Variants in RIMKLB observed in about 807,000 individuals in gnomAD.
RIMKLB encodes the protein beta-citrylglutamate synthase B.
RIMKLB carries 7 observed loss-of-function variants against 32.0 expected under a neutral mutation model. The observed-to-expected ratio is 0.22, with a 90% CI of 0.12 to 0.41. The LOEUF (loss-of-function observed/expected upper bound fraction) is 0.41. RIMKLB is among the 10% of genes least tolerant of loss of function. The probability of loss-of-function intolerance (pLI) is 1.00; values close to 1 mark genes in which losing one functional copy is unlikely to be tolerated. For missense variants in RIMKLB, 289 were observed against 498.7 expected (o/e 0.58, Z 4.00); for synonymous variants, 172 against 185.1 (o/e 0.93, Z 0.57).
At chr12:8,697,885 C>G (rs922685059), upstream of RIMKLB, 1 of 146,476 alleles carries the variant, frequency 6.8e-6, no homozygotes, top group Admixed American at 6.7e-5. Flanking sequence ...GGGGCCGGGG[C>G]GCGCGCCGCT....
chr12:8,769,962 T>C (rs1218280514), intron 5 of RIMKLB, among the ~76,000 whole-genome samples: 1 of 151,850 alleles, frequency 6.6e-6, no homozygotes, highest in Non-Finnish European at 1.5e-5. Context: ...AGTACTGTTG[T>C]AGCAATAATT....
chr12:8,780,095 C>T (rs1434709090), downstream of RIMKLB: 1 of 152,220 alleles, frequency 6.6e-6, no homozygotes, highest in Non-Finnish European at 1.5e-5. Flanking sequence ...CAGTCCAGAA[C>T]ATTGAAAACT....
intron 5 of RIMKLB, among the ~76,000 whole-genome samples, chr12:8,755,854 T>C (rs1423437905): frequency 1.3e-5 from 2 of 151,484 alleles, no homozygotes; most frequent in Non-Finnish European, 3.0e-5. Flanking sequence ...CTACAAAATA[T>C]AAAAATAAAT....
At chr12:8,722,089 A>G (rs1217035875) in intron 2 of RIMKLB, among the ~76,000 whole-genome samples, 1 of 151,878 alleles carries the variant, frequency 6.6e-6, no homozygotes, top group East Asian at 1.9e-4. Flanking sequence ...GCCTTTCAGA[A>G]CTTTTTCAGT....
chr12:8,725,011 C>T (rs886245040), intron 2 of RIMKLB, among the ~76,000 whole-genome samples: 1 of 152,092 alleles, frequency 6.6e-6, no homozygotes, highest in Admixed American at 6.6e-5. Flanking sequence ...ATTTCTCAGT[C>T]GATTTTTTAG....
rs1470222763 is a variant in RIMKLB, at chr12:8,752,032, G to A, written c.482G>A (p.Arg161Gln). Residue 161 changes from arginine (R) to glutamine (Q), a missense_variant, in exon 4 of 6, where the codon CGG (arginine) becomes CAG (glutamine). Arg to Gln is a conservative substitution (Grantham distance 43). This residue lies in a region of RIMKLB where 156 missense variants were observed against 329.5 expected (regional missense o/e 0.47). Coordinates refer to ENST00000535829, the MANE Select transcript of RIMKLB (RefSeq NM_001297776.2). ...LEFPMVVKNT[R>Q]GHRGKAVFLA... ...TTCCCAATGGTAGTAAAGAATACGCGGGGTCACAGAGGTATGTATGAGTTG... is the reference window on the plus strand; with the variant it reads ...TTCCCAATGGTAGTAAAGAATACGCAGGGTCACAGAGGTATGTATGAGTTG... 1.9e-6 allele frequency: 3 copies of A among 1,606,332 alleles called. No individual in the cohort carries two copies. The highest frequency in any genetic ancestry group is 1.1e-5 in the South Asian group (1 of 90,838).
chr12:8,742,708 C>T, intron 2 of RIMKLB: 1 of 223,664 alleles, frequency 4.5e-6, no homozygotes, highest in Admixed American at 5.1e-5. Context: ...AGTTTGCTAC[C>T]ACCACTGGAG....
Position 8,775,861 on chromosome 12 carries a change from C to T in RIMKLB, c.*2077C>T. Reference sequence around the variant, plus strand: ...TCTAATTGCATTTAAAAGAACTTATCTTGCGCAGGGTAAATGGGGGACTCA... The same window carrying T: ...TCTAATTGCATTTAAAAGAACTTATTTTGCGCAGGGTAAATGGGGGACTCA... On this transcript the variant is annotated 3_prime_UTR_variant, in exon 6 of 6. Coordinates refer to ENST00000535829, the MANE Select transcript of RIMKLB (RefSeq NM_001297776.2). The T allele has an allele frequency of 6.1e-6, 6 of 985,052 alleles. No homozygotes were observed. Among genetic ancestry groups the T allele is most frequent in the Non-Finnish European group, 7.2e-6 (6 of 829,624 alleles). The allele number at this position is 985,052 out of a possible 1,614,324, so 61.0% of individuals were successfully genotyped here.
chr12:8,773,685 C>T lies in RIMKLB; in HGVS notation c.1062C>T (p.Asp354=), dbSNP rs762015693. Residue 354 remains aspartate (D), a synonymous_variant, in exon 6 of 6, where the codon GAC becomes GAT. Transcript: ENST00000535829. The part of the protein sequence containing the change: ...MSASSSSVDS[D]PESTERELLT... ...CAAGTTCCAGCTCTGTTGACAGCGA[C>T]CCTGAAAGCACGGAGCGAGAGCTGC... is the stretch of plus-strand genomic sequence containing the variant. 3.1e-6 allele frequency: 5 copies of T among 1,614,248 alleles called. No homozygotes were observed. The highest frequency in any genetic ancestry group is 4.2e-6 in the Non-Finnish European group (5 of 1,180,054).
At chr12:8,677,322 C>T (rs1942348933), upstream of RIMKLB, among the ~76,000 whole-genome samples, 1 of 152,138 alleles carries the variant, frequency 6.6e-6, no homozygotes, top group Non-Finnish European at 1.5e-5. Context: ...TGTGAATCAT[C>T]CTCATTTTCC....
chr12:8,751,160 CA>C (rs1425768375), intron 3 of RIMKLB, among the ~76,000 whole-genome samples: 1 of 151,918 alleles, frequency 6.6e-6, no homozygotes, highest in East Asian at 1.9e-4. Context: ...CATGATTGTA[CA>C]ATTTTGATTT....
intron 3 of RIMKLB, 151 bp downstream of exon 3, chr12:8,750,243 G>T (rs1948500885): frequency 1.9e-6 from 1 of 529,140 alleles, no homozygotes; most frequent in Non-Finnish European, 3.3e-6. Flanking sequence ...CTTAAGATTT[G>T]TTTCATATTA....
chr12:8,770,027 C>T (rs922700563), intron 5 of RIMKLB, among the ~76,000 whole-genome samples: 3 of 148,692 alleles, frequency 2.0e-5, no homozygotes, highest in Admixed American at 1.3e-4. Flanking sequence ...GCTTGGAGTG[C>T]AATGGCATGA....
intron 5 of RIMKLB, among the ~76,000 whole-genome samples, chr12:8,772,788 A>G (rs1950513384): frequency 6.6e-6 from 1 of 152,188 alleles, no homozygotes; most frequent in East Asian, 1.9e-4. Context: ...ATCAAGTTCT[A>G]CTTCCTTTCT....
chr12:8,775,993 TAAATG>T lies in RIMKLB; in HGVS notation c.*2211_*2215del. On this transcript the variant is annotated 3_prime_UTR_variant, in exon 6 of 6. Transcript: ENST00000535829. ...ATGCATACTATTTGGTATAGAGAAA[TAAATG>T]AGGAAGAAAGAACTGCTTAATTAAA... 1.0e-6 allele frequency: 1 copy of T among 984,214 alleles called. No individual in the cohort carries two copies. 61.0% of individuals were successfully genotyped at this position (984,214 alleles called of 1,614,324 possible). A position where few individuals can be genotyped will look rare whatever the true frequency, so the allele number is the denominator to read the frequency against.
chr12:8,738,338 C>T (rs917702404), intron 2 of RIMKLB, among the ~76,000 whole-genome samples: 1 of 152,168 alleles, frequency 6.6e-6, no homozygotes, highest in East Asian at 1.9e-4. Flanking sequence ...ACCACCACAC[C>T]GTGCAATTAA....
chr12:8,670,509 T>A, the RIMKLB span, among the ~76,000 whole-genome samples: 1 of 152,326 alleles, frequency 6.6e-6, no homozygotes, highest in Non-Finnish European at 1.5e-5. Context: ...AGGTCTCCCA[T>A]CCAGGCCACA....
In RIMKLB at chr12:8,698,305, G is replaced by C. The variant is rs1306633161; in HGVS notation, c.-57+8G>C. The C allele has an allele frequency of 9.1e-6, 3 of 328,310 alleles. No individual in the cohort carries two copies. Among genetic ancestry groups the C allele is most frequent in the African/African-American group, 2.3e-5 (1 of 44,084 alleles). The allele number at this position is 328,310 out of a possible 1,614,324, so 20.3% of individuals were successfully genotyped here. A position where few individuals can be genotyped will look rare whatever the true frequency, so the allele number is the denominator to read the frequency against. On this transcript the variant is annotated splice_region_variant and intron_variant, in intron 1 of 5. Transcript: ENST00000535829. ...AGGAGCCCCCCGACCCAGGTGAGCG[G>C]TACGACCGCTGTTGCCCTCGGGTGT...
intron 5 of RIMKLB, among the ~76,000 whole-genome samples, chr12:8,763,904 A>G (rs1445451784): frequency 6.6e-6 from 1 of 152,192 alleles, no homozygotes; most frequent in Non-Finnish European, 1.5e-5. Context: ...GCAAACAAAA[A>G]TTGACAGGAT....
Sources: allele counts gnomAD v4.1 joint callset (sites outside exome capture counted in the v4.1 genomes callset), GRCh38; gene constraint gnomAD v4.1.1; regional missense constraint gnomAD v4.1.1; transcripts MANE v1.5; gene names NCBI Gene and HGNC (gene_info 2026-07-23, HGNC 2026-07-21).